Variants in TMEM106B observed in about 807,000 individuals in gnomAD.
The protein encoded by TMEM106B is transmembrane protein 106B.
A neutral mutation model predicts 31.1 loss-of-function variants in TMEM106B; 15 were observed. The observed-to-expected ratio is 0.48, with a 90% CI of 0.32 to 0.74. The LOEUF is 0.74. Ranked by LOEUF, TMEM106B falls within the 30% of genes least tolerant of loss-of-function variation. TMEM106B has a pLI of 0.03. For missense variants in TMEM106B, 283 were observed against 327.3 expected (o/e 0.86, Z 1.04); for synonymous variants, 126 against 112.5 (o/e 1.12, Z -0.76).
Position 12,234,099 on chromosome 7 carries a change from C to G in TMEM106B, c.*2124C>G, listed in dbSNP as rs1001405538. On this transcript the variant is annotated 3_prime_UTR_variant, in exon 8 of 8. Transcript: ENST00000396668. ...TCACCATTCATTTCTTCAAAATTATCTTTTAGATACGCTCATACAAAAATC... is the reference window on the plus strand; with the variant it reads ...TCACCATTCATTTCTTCAAAATTATGTTTTAGATACGCTCATACAAAAATC... 1 of 151,742 alleles carries G rather than the reference C, an allele frequency of 6.6e-6. No individual in the cohort carries two copies. The highest frequency in any genetic ancestry group is 1.5e-5 in the Non-Finnish European group (1 of 67,726). The allele number at this position is 151,742 out of a possible 1,614,324, so 9.4% of individuals were successfully genotyped here. A position where few individuals can be genotyped will look rare whatever the true frequency, so the allele number is the denominator to read the frequency against.
intron 1 of TMEM106B, among the ~76,000 whole-genome samples, chr7:12,212,335 G>A (rs896288298): frequency 6.6e-6 from 1 of 152,154 alleles, no homozygotes; most frequent in African/African-American, 2.4e-5. Flanking sequence ...TTCATCTAGT[G>A]TTCCGCATAG....
At position 12,236,387 on chromosome 7, in the gene TMEM106B, A is replaced by G. The variant is rs1015482371; in HGVS notation, c.*4412A>G. On this transcript the variant is annotated 3_prime_UTR_variant, in exon 8 of 8. Coordinates refer to ENST00000396668, the MANE Select transcript of TMEM106B (RefSeq NM_001134232.2). ...TCACAGACTCTAAATTGAAAAATGT[A>G]GTATGATCTATATTTGACCCTAAAA... The G allele has an allele frequency of 2.0e-5, 3 of 151,928 alleles. No individual in the cohort carries two copies. Among genetic ancestry groups the G allele is most frequent in the Non-Finnish European group, 2.9e-5 (2 of 67,864 alleles). 9.4% of individuals were successfully genotyped at this position (151,928 alleles called of 1,614,324 possible).
chr7:12,216,373 TA>T (rs1308063907), intron 2 of TMEM106B, among the ~76,000 whole-genome samples: 3 of 89,610 alleles, frequency 3.3e-5, no homozygotes, highest in African/African-American at 2.1e-4. Flanking sequence ...AGCAATTTAT[TA>T]AAATTGAAAA....
intron 4 of TMEM106B, among the ~76,000 whole-genome samples, chr7:12,224,619 G>A (rs1379618960): frequency 7.4e-6 from 1 of 134,800 alleles, no homozygotes; most frequent in East Asian, 2.3e-4. Context: ...AATGTCTTTA[G>A]GAGGGTAAAA....
chr7:12,212,234 A>G (rs533299895), intron 1 of TMEM106B, among the ~76,000 whole-genome samples: 8 of 152,188 alleles, frequency 5.3e-5, no homozygotes, highest in Non-Finnish European at 8.8e-5. Flanking sequence ...AACGCGCTCC[A>G]GTTAAGATGC....
At chr7:12,218,365 A>G in intron 2 of TMEM106B, 93 bp from the exon 3 acceptor site, 1 of 979,018 alleles carries the variant, frequency 1.0e-6, no homozygotes, top group Non-Finnish European at 1.6e-6. Flanking sequence ...GTGCCAGATG[A>G]TATTCTGGTC....
chr7:12,220,932 T>C (rs1271574690), intron 3 of TMEM106B, among the ~76,000 whole-genome samples: 1 of 152,158 alleles, frequency 6.6e-6, no homozygotes, highest in African/African-American at 2.4e-5. Context: ...CAGTGTGATA[T>C]TGACAATATG....
chr7:12,223,375 G>T (rs942078015), intron 3 of TMEM106B, among the ~76,000 whole-genome samples: 4 of 146,184 alleles, frequency 2.7e-5, no homozygotes, highest in African/African-American at 9.8e-5. Context: ...TGGAGGATGT[G>T]CAGGTTTGTT....
chr7:12,231,800 A>G (rs766506845), intron 7 of TMEM106B, 37 bp from the exon 8 acceptor site: 2 of 1,523,520 alleles, frequency 1.3e-6, no homozygotes, highest in Admixed American at 1.8e-5. Flanking sequence ...TTCTAATATA[A>G]CTATTAAATG....
rs971345855 is a variant in TMEM106B at position 12,214,891 on chromosome 7, G to A, written c.81G>A (p.Arg27=). ...ATGGAGTCACATCTGAAAACATGAGGAATGGACTGGTTAATAGTGAAGTCC... is the reference window on the plus strand; with the variant it reads ...ATGGAGTCACATCTGAAAACATGAGAAATGGACTGGTTAATAGTGAAGTCC... ...AYDGVTSENM[R]NGLVNSEVHN... The change falls in exon 2 of 8, where the codon AGG becomes AGA. Residue 27 remains arginine, a synonymous_variant. Transcript: ENST00000396668. The A allele has an allele frequency of 1.2e-6, 2 of 1,614,082 alleles. No homozygotes were observed. Among genetic ancestry groups the A allele is most frequent in the Admixed American group, 1.7e-5 (1 of 60,022 alleles).
intron 3 of TMEM106B, among the ~76,000 whole-genome samples, chr7:12,223,766 G>A (rs181812551): frequency 1.3e-5 from 2 of 150,392 alleles, no homozygotes; most frequent in African/African-American, 4.9e-5. Context: ...TCTCGTCCAG[G>A]CAGGAGTGCG....
chr7:12,224,353 G>A lies in TMEM106B; in HGVS notation c.409G>A (p.Val137Ile), dbSNP rs1177153868. The change falls in exon 4 of 8, where the codon GTT becomes ATT. Residue 137 changes from valine (V) to isoleucine (I), a missense_variant. Physicochemically the swap from Val to Ile is conservative, Grantham distance 29 (BLOSUM62 3). Around this residue, in one of 3 missense-constraint regions of TMEM106B, gnomAD observed 201 missense variants for 211.5 expected, o/e 0.95. Transcript: ENST00000396668. ...GVKSAYVSYD[V>I]QKRTIYLNIT... Reference sequence around the variant, plus strand: ...AAAATCAGCCTATGTCAGTTATGATGTTCAGAAGCGTACAATTTATTTAAA... The same window carrying A: ...AAAATCAGCCTATGTCAGTTATGATATTCAGAAGCGTACAATTTATTTAAA... 3.1e-6 allele frequency: 5 copies of A among 1,612,508 alleles called. No homozygotes were observed. Among genetic ancestry groups the A allele is most frequent in the East Asian group, 2.2e-5 (1 of 44,832 alleles).
rs1285801135 is a variant in TMEM106B at position 12,235,513 on chromosome 7, C to A, written c.*3538C>A. On this transcript the variant is annotated 3_prime_UTR_variant, in exon 8 of 8. Coordinates refer to ENST00000396668, the MANE Select transcript of TMEM106B (RefSeq NM_001134232.2). ...AGTTTGGAAAGGACACCGCAATGTT[C>A]AAATAGGTAGGAGACCATCAAAAAC... 6.6e-6 allele frequency: 1 copy of A among 151,748 alleles called. No homozygotes were observed. The highest frequency in any genetic ancestry group is 1.5e-5 in the Non-Finnish European group (1 of 67,792). 9.4% of individuals were successfully genotyped at this position (151,748 alleles called of 1,614,324 possible). A position where few individuals can be genotyped will look rare whatever the true frequency, so the allele number is the denominator to read the frequency against.
At chr7:12,227,072 T>C (rs1219420174) in intron 4 of TMEM106B, among the ~76,000 whole-genome samples, 1 of 152,138 alleles carries the variant, frequency 6.6e-6, no homozygotes, top group East Asian at 1.9e-4. Context: ...TATCATACTC[T>C]ATTTTAAGTA....
At chr7:12,212,227 G>A (rs1781593924) in intron 1 of TMEM106B, among the ~76,000 whole-genome samples, 1 of 152,094 alleles carries the variant, frequency 6.6e-6, no homozygotes, top group Non-Finnish European at 1.5e-5. Flanking sequence ...TTTTCTCAAC[G>A]CGCTCCAGTT....
At position 12,236,376 on chromosome 7, in the gene TMEM106B, T is replaced by C. The variant is rs569372716; in HGVS notation, c.*4401T>C. 6.6e-6 allele frequency: 1 copy of C among 152,044 alleles called. No individual in the cohort carries two copies. The highest frequency in any genetic ancestry group is 2.4e-5 in the African/African-American group (1 of 41,556). The allele number at this position is 152,044 out of a possible 1,614,324, so 9.4% of individuals were successfully genotyped here. A position where few individuals can be genotyped will look rare whatever the true frequency, so the allele number is the denominator to read the frequency against. On this transcript the variant is annotated 3_prime_UTR_variant, in exon 8 of 8. Coordinates refer to ENST00000396668, the MANE Select transcript of TMEM106B (RefSeq NM_001134232.2). ...ACAAGTATTTATCACAGACTCTAAA[T>C]TGAAAAATGTAGTATGATCTATATT...
At chr7:12,230,256 T>C in intron 5 of TMEM106B, 133 bp from the exon 6 acceptor site, 1 of 742,542 alleles carries the variant, frequency 1.3e-6, no homozygotes, top group Non-Finnish European at 2.4e-6. Context: ...CTTATACACA[T>C]ACAAGATGAA....
chr7:12,235,712 T>C lies in TMEM106B; in HGVS notation c.*3737T>C, dbSNP rs1782118568. 6.6e-6 allele frequency: 1 copy of C among 151,820 alleles called. No homozygotes were observed. The highest frequency in any genetic ancestry group is 2.4e-5 in the African/African-American group (1 of 41,434). The allele number at this position is 151,820 out of a possible 1,614,324, so 9.4% of individuals were successfully genotyped here. A position where few individuals can be genotyped will look rare whatever the true frequency, so the allele number is the denominator to read the frequency against. On this transcript the variant is annotated 3_prime_UTR_variant, in exon 8 of 8. Coordinates refer to ENST00000396668, the MANE Select transcript of TMEM106B (RefSeq NM_001134232.2). ...AGTTCTTAGAATAAACAGTTCTTTATATAATAATTATATTTTATTTAAGAA... is the reference window on the plus strand; with the variant it reads ...AGTTCTTAGAATAAACAGTTCTTTACATAATAATTATATTTTATTTAAGAA...
rs1782213373 is a variant in TMEM106B at position 12,240,091 on chromosome 7, A to T, written c.*8116A>T. 6.6e-6 allele frequency: 1 copy of T among 152,126 alleles called. No homozygotes were observed. The highest frequency in any genetic ancestry group is 2.4e-5 in the African/African-American group (1 of 41,432). The allele number at this position is 152,126 out of a possible 1,614,324, so 9.4% of individuals were successfully genotyped here. On this transcript the variant is annotated 3_prime_UTR_variant, in exon 8 of 8. Transcript: ENST00000396668. ...CCAAGTTCTTACTCTGGTGTTGAGA[A>T]CCTTTCATTAGCTGGCTACAATCTC...
Sources: allele counts gnomAD v4.1 joint callset (sites outside exome capture counted in the v4.1 genomes callset), GRCh38; gene constraint gnomAD v4.1.1; regional missense constraint gnomAD v4.1.1; transcripts MANE v1.5; gene names NCBI Gene and HGNC (gene_info 2026-07-23, HGNC 2026-07-21).